ERG: variants seen among roughly 807,000 people sequenced by gnomAD.
ERG encodes the protein ETS transcription factor ERG.
ERG carries 9 observed loss-of-function variants against 55.3 expected under a neutral mutation model. The ratio of observed to expected loss-of-function variants is 0.16; its 90% CI spans 0.10 to 0.28. The LOEUF (loss-of-function observed/expected upper bound fraction) is 0.28. Among genes scored for constraint, ERG ranks in the 10% least tolerant of loss-of-function variants. ERG has a pLI of 1.00. For missense variants in ERG, 434 were observed against 631.6 expected (o/e 0.69, Z 3.35); for synonymous variants, 223 against 237.3 (o/e 0.94, Z 0.55).
At chr21:38,446,453 T>C (rs1273748047) in intron 1 of ERG, among the ~76,000 whole-genome samples, 4 of 152,176 alleles carry the variant, frequency 2.6e-5, no homozygotes, top group Non-Finnish European at 2.9e-5. Context: ...AATGGCTATG[T>C]TTATATTCTA....
chr21:38,526,891 A>T (rs1279001861), intron 2 of ERG, among the ~76,000 whole-genome samples: 2 of 152,224 alleles, frequency 1.3e-5, no homozygotes, highest in Non-Finnish European at 2.9e-5. Flanking sequence ...AACTGAAAAA[A>T]CTATGTTGAG....
In ERG at chr21:38,380,956, G is replaced by A; in HGVS notation, c.*2447C>T. 1 of 1,064,902 alleles carries A rather than the reference G, an allele frequency of 9.4e-7. No individual in the cohort carries two copies. Among genetic ancestry groups the A allele is most frequent in the South Asian group, 4.6e-5 (1 of 21,972 alleles). The allele number at this position is 1,064,902 out of a possible 1,614,324, so 66.0% of individuals were successfully genotyped here. ...TAAAAATGACTGATCTTTTCCATTA[G>A]CACAGTTTGGGTCAGCCTAACTGCC... On this transcript the variant is annotated 3_prime_UTR_variant, in exon 10 of 10. Transcript: ENST00000288319.
intron 1 of ERG, among the ~76,000 whole-genome samples, chr21:38,463,886 T>C (rs2059065540): frequency 6.6e-6 from 1 of 152,202 alleles, no homozygotes; most frequent in African/African-American, 2.4e-5. Flanking sequence ...GTATTCCCAC[T>C]TCCCGTATCC....
At chr21:38,614,034 C>T (rs1382485744) in intron 1 of ERG, among the ~76,000 whole-genome samples, 1 of 152,012 alleles carries the variant, frequency 6.6e-6, no homozygotes, top group Non-Finnish European at 1.5e-5. Flanking sequence ...TCCCACTCCA[C>T]TCGTTGAACA....
rs1227559658 is a variant in ERG, at chr21:38,406,151, T to A, written c.389-2442A>T. Among the ~76,000 whole-genome samples, 30 of 20,420 alleles carry A rather than the reference T, an allele frequency of 1.5e-3. No individual in the cohort carries two copies. In the South Asian group the frequency reaches 0.075, roughly 51 times the overall value. 13.4% of individuals were successfully genotyped at this position (20,420 alleles called of 152,430 possible). On this transcript the variant is annotated intron_variant, in intron 3 of 9. Coordinates refer to ENST00000288319, the MANE Select transcript of ERG (RefSeq NM_182918.4). Reference sequence around the variant, plus strand: ...GCCTGAGCGACAGAGCGAGACTCCATCTCAAAAAAAAAAAAAAAAAAAAAT... The same window carrying A: ...GCCTGAGCGACAGAGCGAGACTCCAACTCAAAAAAAAAAAAAAAAAAAAAT...
At chr21:38,569,919 C>T (rs1035305289) in intron 2 of ERG, among the ~76,000 whole-genome samples, 1 of 152,138 alleles carries the variant, frequency 6.6e-6, no homozygotes, top group African/African-American at 2.4e-5. Flanking sequence ...CAGATAGACA[C>T]TTGGAGTTTA....
rs111346013 is a variant in ERG at position 38,614,316 on chromosome 21, T to A, written c.-149-29371A>T. On this transcript the variant is annotated intron_variant, in intron 1 of 10. Coordinates refer to the ERG transcript ENST00000398910. The stretch of plus-strand genomic sequence containing the variant: ...CCCTTGTTCTTACAATGAATCCCAA[T>A]GTTGTTCAGGGCCACAATATCTTCA... 8.5e-3 allele frequency among the ~76,000 whole-genome samples: 1,295 copies of A among 152,264 alleles called. 18 individuals carry two copies. Among genetic ancestry groups the A allele is most frequent in the African/African-American group, 0.029 (1,222 of 41,560 alleles).
chr21:38,585,983 G>C (rs2060061504), upstream of ERG, among the ~76,000 whole-genome samples: 1 of 151,920 alleles, frequency 6.6e-6, no homozygotes, highest in Admixed American at 6.6e-5. Flanking sequence ...TGAAATAAAA[G>C]AGGGAAGGCA....
At chr21:38,631,427 C>T (rs80185708) in intron 1 of ERG, among the ~76,000 whole-genome samples, 2,856 of 152,168 alleles carry the variant, frequency 0.019, 40 homozygotes, top group East Asian at 0.05. Flanking sequence ...CTTTAAAGCA[C>T]ATTGGGGGAA....
intron 2 of ERG, among the ~76,000 whole-genome samples, chr21:38,522,895 T>C (rs1478725509): frequency 6.6e-6 from 1 of 152,212 alleles, no homozygotes; most frequent in Non-Finnish European, 1.5e-5. Context: ...AAATACCATA[T>C]GATGGAGACA....
chr21:38,442,645 A>G (rs2058852663), intron 2 of ERG, among the ~76,000 whole-genome samples: 1 of 151,596 alleles, frequency 6.6e-6, no homozygotes, highest in Non-Finnish European at 1.5e-5. Context: ...GTTACCCCAA[A>G]CTCCCAACCT....
At chr21:38,572,308 CAGCAAG>C in intron 2 of ERG, among the ~76,000 whole-genome samples, 1 of 144,870 alleles carries the variant, frequency 6.9e-6, no homozygotes, top group Admixed American at 7.1e-5. Flanking sequence ...GCAGAGGTTG[CAGCAAG>C]CCAAGATCGC....
At chr21:38,369,017 T>C in the ERG span, among the ~76,000 whole-genome samples, 4 of 152,250 alleles carry the variant, frequency 2.6e-5, no homozygotes, top group South Asian at 6.2e-4. Flanking sequence ...AGTCTATCAT[T>C]GATGGGCATT....
chr21:38,436,806 C>T (rs1379042428), intron 2 of ERG, among the ~76,000 whole-genome samples: 4 of 152,092 alleles, frequency 2.6e-5, no homozygotes, highest in African/African-American at 9.7e-5. Context: ...CTGAACATCG[C>T]TCTGTACTGA....
intron 6 of ERG, among the ~76,000 whole-genome samples, chr21:38,398,858 G>C (rs932147453): frequency 6.6e-5 from 10 of 152,156 alleles, no homozygotes; most frequent in Admixed American, 4.6e-4. Flanking sequence ...ACAACCCCTG[G>C]CTTTGCAACT....
intron 2 of ERG, among the ~76,000 whole-genome samples, chr21:38,544,392 G>A (rs1239563533): frequency 6.6e-6 from 1 of 152,132 alleles, no homozygotes; most frequent in Non-Finnish European, 1.5e-5. Flanking sequence ...AGAGAAGCGA[G>A]GACAATTAGG....
At chr21:38,398,304 A>ATAAC (rs140948423) in intron 6 of ERG, among the ~76,000 whole-genome samples, 13,287 of 152,172 alleles carry the variant, frequency 0.087, 869 homozygotes, top group Non-Finnish European at 0.11. Flanking sequence ...CCCGAGGTGT[A>ATAAC]TAACTAGTTC....
chr21:38,475,194 A>G (rs1024633781), intron 1 of ERG, among the ~76,000 whole-genome samples: 1 of 152,198 alleles, frequency 6.6e-6, no homozygotes, highest in Non-Finnish European at 1.5e-5. Context: ...AAACTAGAGA[A>G]TATATAAAGC....
intron 2 of ERG, among the ~76,000 whole-genome samples, chr21:38,516,772 A>T (rs751265298): frequency 4.6e-5 from 7 of 152,174 alleles, no homozygotes; most frequent in Non-Finnish European, 5.9e-5. Context: ...ACAGACGCAT[A>T]GACCAATGGA....
Sources: allele counts gnomAD v4.1 joint callset (sites outside exome capture counted in the v4.1 genomes callset), GRCh38; gene constraint gnomAD v4.1.1; transcripts MANE v1.5; gene names NCBI Gene and HGNC (gene_info 2026-07-23, HGNC 2026-07-21).